TYW1: variants seen among roughly 807,000 people sequenced by gnomAD.
TYW1 encodes the protein S-adenosyl-L-methionine-dependent tRNA 4-demethylwyosine synthase TYW1.
In TYW1, 46 loss-of-function variants were observed where a neutral mutation model predicts 96.2. The observed-to-expected ratio is 0.48, with a 90% CI of 0.38 to 0.61. The LOEUF (loss-of-function observed/expected upper bound fraction) is 0.61, where lower values mean the gene tolerates loss of function less well. Ranked by LOEUF, TYW1 falls within the 20% of genes least tolerant of loss-of-function variation. The pLI, the probability that TYW1 is intolerant of heterozygous loss-of-function variation, is 0.00. For synonymous variants in TYW1, 274 were observed against 323.0 expected, an observed-to-expected ratio of 0.85 and a Z score of 1.63; for missense variants, 684 against 909.6, an observed-to-expected ratio of 0.75 and a Z score of 3.19.
chr7:67,095,660 AAACAACAACAACAACAAC>A (rs56747081), intron 11 of TYW1, among the ~76,000 whole-genome samples: 7 of 136,554 alleles, frequency 5.1e-5, no homozygotes, highest in Admixed American at 2.9e-4. Context: ...TCTGTCTCAA[AAACAACAACAACAACAAC>A]AACAACAACA....
At chr7:67,099,705 A>T (rs540625144) in intron 12 of TYW1, among the ~76,000 whole-genome samples, 1 of 152,312 alleles carries the variant, frequency 6.6e-6, no homozygotes, top group East Asian at 1.9e-4. Flanking sequence ...AGGGAGTCTT[A>T]AAAAAGATGC....
At chr7:67,185,204 A>G (rs2116313664) in intron 14 of TYW1, among the ~76,000 whole-genome samples, 1 of 151,810 alleles carries the variant, frequency 6.6e-6, no homozygotes, top group South Asian at 2.1e-4. Flanking sequence ...AGATAAGGGG[A>G]TTGGATTTTA....
At chr7:67,010,621 G>T (rs1024269919) in intron 4 of TYW1, among the ~76,000 whole-genome samples, 1 of 151,876 alleles carries the variant, frequency 6.6e-6, no homozygotes, top group Non-Finnish European at 1.5e-5. Context: ...GACTACAGGC[G>T]CCCGCCGCCA....
intron 10 of TYW1, among the ~76,000 whole-genome samples, chr7:67,074,718 TTAAAA>T (rs1796149927): frequency 6.6e-6 from 1 of 152,250 alleles, no homozygotes; most frequent in Non-Finnish European, 1.5e-5. Flanking sequence ...CAGTGGATTC[TTAAAA>T]TAGCCTCTGA....
chr7:67,182,191 G>T (rs1472085138), intron 13 of TYW1, among the ~76,000 whole-genome samples: 3 of 152,164 alleles, frequency 2.0e-5, no homozygotes, highest in African/African-American at 7.2e-5. Context: ...TTAATCATTT[G>T]TTTTGGGTTC....
At chr7:67,023,718 A>C (rs1478909083) in intron 6 of TYW1, among the ~76,000 whole-genome samples, 1 of 152,144 alleles carries the variant, frequency 6.6e-6, no homozygotes, top group Admixed American at 6.5e-5. Context: ...CAGTGAGCCA[A>C]GATCACGCCA....
intron 8 of TYW1, among the ~76,000 whole-genome samples, chr7:67,054,275 G>GT (rs11314135): frequency 6.6e-6 from 1 of 151,928 alleles, no homozygotes; most frequent in Non-Finnish European, 1.5e-5. Context: ...GTAATGTACA[G>GT]TTTTTTTTCT....
chr7:67,151,369 A>G (rs1399153830), intron 13 of TYW1, among the ~76,000 whole-genome samples: 4 of 151,966 alleles, frequency 2.6e-5, no homozygotes, highest in African/African-American at 7.3e-5. Context: ...ACCTAATTCT[A>G]AAGTGCATTT....
At chr7:67,053,818 A>C (rs1795434654) in intron 8 of TYW1, among the ~76,000 whole-genome samples, 1 of 152,194 alleles carries the variant, frequency 6.6e-6, no homozygotes, top group Admixed American at 6.5e-5. Context: ...TACTTGGGCA[A>C]ATACTTGAGA....
At chr7:67,029,411 G>GTATATATATACATATATATATATATACA (rs1388432409) in intron 7 of TYW1, among the ~76,000 whole-genome samples, 1 of 106,920 alleles carries the variant, frequency 9.4e-6, no homozygotes, top group African/African-American at 3.6e-5. Context: ...GTGTGTGTGT[G>GTATATATATACATATATATATATATACA]TGTGTATATA....
At chr7:67,135,309 T>G (rs900565642) in intron 13 of TYW1, among the ~76,000 whole-genome samples, 67 of 141,806 alleles carry the variant, frequency 4.7e-4, no homozygotes, top group Admixed American at 3.7e-3. Flanking sequence ...ACAGTTTTTT[T>G]TTTTTTTTTT....
intron 13 of TYW1, among the ~76,000 whole-genome samples, chr7:67,172,888 G>C (rs1217844993): frequency 6.6e-6 from 1 of 151,902 alleles, no homozygotes; most frequent in African/African-American, 2.4e-5. Flanking sequence ...GGGAGTTCAA[G>C]GTAGGAGGAT....
At chr7:67,073,512 C>G (rs1459020974) in intron 10 of TYW1, among the ~76,000 whole-genome samples, 1 of 152,138 alleles carries the variant, frequency 6.6e-6, no homozygotes, top group Non-Finnish European at 1.5e-5. Flanking sequence ...TGGCTCATGC[C>G]TGTAATCCCA....
At chr7:67,115,162 AT>A (rs1797556159) in intron 12 of TYW1, among the ~76,000 whole-genome samples, 1 of 151,632 alleles carries the variant, frequency 6.6e-6, no homozygotes, top group Admixed American at 6.6e-5. Flanking sequence ...GGCAGTTCTC[AT>A]TTTGCATCAG....
chr7:67,150,603 GA>G (rs1472019914), intron 13 of TYW1, among the ~76,000 whole-genome samples: 1 of 152,202 alleles, frequency 6.6e-6, no homozygotes, highest in Non-Finnish European at 1.5e-5. Flanking sequence ...AAATAATGTT[GA>G]ATAGAGAATA....
chr7:67,045,304 G>T (rs1424135391), intron 7 of TYW1, among the ~76,000 whole-genome samples: 2 of 151,940 alleles, frequency 1.3e-5, no homozygotes, highest in Non-Finnish European at 2.9e-5. Flanking sequence ...TTGAACTCCT[G>T]TGCTCAAGTG....
At chr7:67,020,334 G>A (rs1004315537) in intron 6 of TYW1, among the ~76,000 whole-genome samples, 2 of 152,262 alleles carry the variant, frequency 1.3e-5, no homozygotes, top group African/African-American at 4.8e-5. Context: ...AGTGAGCTAT[G>A]ATCAAGCAGT....
chr7:67,052,839 C>T (rs1197750034), intron 8 of TYW1, among the ~76,000 whole-genome samples: 1 of 152,116 alleles, frequency 6.6e-6, no homozygotes, highest in Non-Finnish European at 1.5e-5. Flanking sequence ...TCAAGCGATT[C>T]TCCTGCCTCA....
Position 67,238,997 on chromosome 7 carries a change from C to G in TYW1, c.*468C>G. 2.0e-6 allele frequency: 2 copies of G among 992,886 alleles called. No individual in the cohort carries two copies. Among genetic ancestry groups the G allele is most frequent in the Non-Finnish European group, 2.4e-6 (2 of 833,668 alleles). The allele number at this position is 992,886 out of a possible 1,614,324, so 61.5% of individuals were successfully genotyped here. A position where few individuals can be genotyped will look rare whatever the true frequency, so the allele number is the denominator to read the frequency against. On this transcript the variant is annotated 3_prime_UTR_variant, in exon 16 of 16. Transcript: ENST00000359626. ...GTGCTTTCTAAGATAAGAGCTTGAT[C>G]CCTTTCTTCTATCTTAAGACAGCAC...
Sources: allele counts gnomAD v4.1 joint callset (sites outside exome capture counted in the v4.1 genomes callset), GRCh38; gene constraint gnomAD v4.1.1; transcripts MANE v1.5; gene names NCBI Gene and HGNC (gene_info 2026-07-23, HGNC 2026-07-21).